The following FAM120B variants were observed in gnomAD, a reference collection of about 807,000 sequenced individuals.
FAM120B encodes the protein family with sequence similarity 120 member B, also known as constitutive coactivator of peroxisome proliferator-activated receptor gamma.
FAM120B carries 83 observed loss-of-function variants against 96.3 expected under a neutral mutation model. The ratio of observed to expected loss-of-function variants is 0.86; its 90% CI spans 0.72 to 1.03. The LOEUF is 1.03. FAM120B is among the 50% of genes least tolerant of loss of function. The probability of loss-of-function intolerance (pLI) is 0.00; values close to 1 mark genes in which losing one functional copy is unlikely to be tolerated. For missense variants in FAM120B, 1,027 were observed against 1,121.2 expected (o/e 0.92, Z 1.20); for synonymous variants, 407 against 402.7 (o/e 1.01, Z -0.13).
In FAM120B at chr6:170,295,969, C is replaced by A. The variant is rs1228201655; in HGVS notation, c.48+516C>A. 6.6e-6 allele frequency among the ~76,000 whole-genome samples: 1 copy of A among 151,940 alleles called. No homozygotes were observed. The highest frequency in any genetic ancestry group is 2.4e-5 in the African/African-American group (1 of 41,394). On this transcript the variant is annotated intron_variant, in intron 1 of 10. Coordinates refer to the FAM120B transcript ENST00000537664. This position sits in a 1 kb window ranked among gnomAD's most constrained non-coding sequence, Gnocchi z 7.8. Reference sequence around the variant, plus strand: ...CCCGGCGCAGATGACGGCTCGGCAGCGGGCCCCCGCCCCCTCCTCTGCGCC... The same window carrying A: ...CCCGGCGCAGATGACGGCTCGGCAGAGGGCCCCCGCCCCCTCCTCTGCGCC...
intron 4 of FAM120B, among the ~76,000 whole-genome samples, chr6:170,343,872 C>T (rs1431899225): frequency 2.0e-5 from 3 of 152,170 alleles, no homozygotes; most frequent in East Asian, 3.8e-4. Flanking sequence ...TAGTATGTCA[C>T]TTACGTGTCA....
intron 6 of FAM120B, among the ~76,000 whole-genome samples, chr6:170,372,915 T>C (rs1789284946): frequency 1.3e-5 from 2 of 152,326 alleles, no homozygotes; most frequent in African/African-American, 4.8e-5. Context: ...TAAATAACAA[T>C]GTATTCATAA....
At chr6:170,388,576 T>G in intron 7 of FAM120B, 83 bp downstream of exon 7, 1 of 1,174,070 alleles carries the variant, frequency 8.5e-7, no homozygotes. Flanking sequence ...GGCTGTTGCA[T>G]TTTTCAAATT....
At chr6:170,338,844 C>CTTTTTTTT (rs61188907) in intron 4 of FAM120B, among the ~76,000 whole-genome samples, 8 of 85,424 alleles carry the variant, frequency 9.4e-5, no homozygotes, top group East Asian at 4.4e-4. Flanking sequence ...TTGCAACCTG[C>CTTTTTTTT]TTTTTTTTTT....
chr6:170,349,642 A>G (rs1787444625), intron 5 of FAM120B, among the ~76,000 whole-genome samples: 1 of 152,240 alleles, frequency 6.6e-6, no homozygotes, highest in Non-Finnish European at 1.5e-5. Context: ...TATTTGCTCA[A>G]GACGTAGCAG....
chr6:170,329,544 GC>G (rs1785858655), intron 3 of FAM120B, among the ~76,000 whole-genome samples: 1 of 151,816 alleles, frequency 6.6e-6, no homozygotes, highest in Non-Finnish European at 1.5e-5. Context: ...TGCTGATAAT[GC>G]CAGCTGCAAA....
At chr6:170,392,649 A>T (rs1406873978) in intron 8 of FAM120B, among the ~76,000 whole-genome samples, 1 of 152,184 alleles carries the variant, frequency 6.6e-6, no homozygotes, top group Non-Finnish European at 1.5e-5. Flanking sequence ...GAATAGGAGA[A>T]CTCAGCCCAG....
chr6:170,325,394 A>G (rs1265562244), intron 3 of FAM120B, among the ~76,000 whole-genome samples: 1 of 152,132 alleles, frequency 6.6e-6, no homozygotes, highest in Non-Finnish European at 1.5e-5. Flanking sequence ...AACTCTTGGC[A>G]TAATTAGGGC....
intron 6 of FAM120B, among the ~76,000 whole-genome samples, chr6:170,361,222 A>ATACG (rs1554286438): frequency 2.9e-5 from 3 of 101,988 alleles, no homozygotes; most frequent in South Asian, 3.6e-4. Flanking sequence ...ATATATATAT[A>ATACG]TATATATATA....
At chr6:170,345,501 C>T (rs533591381) in intron 4 of FAM120B, among the ~76,000 whole-genome samples, 10 of 152,370 alleles carry the variant, frequency 6.6e-5, no homozygotes, top group Admixed American at 6.5e-5. Context: ...GCACAGCCTT[C>T]TCCTGCAAGC....
chr6:170,356,195 AC>A (rs1291341207), intron 5 of FAM120B, among the ~76,000 whole-genome samples: 1 of 152,140 alleles, frequency 6.6e-6, no homozygotes. Flanking sequence ...TTTCCACTTT[AC>A]CTTTTTTCTA....
intron 6 of FAM120B, among the ~76,000 whole-genome samples, chr6:170,373,254 C>T (rs1789302657): frequency 6.6e-6 from 1 of 152,178 alleles, no homozygotes; most frequent in Non-Finnish European, 1.5e-5. Context: ...ACCTTAAACC[C>T]TATTTCCAAA....
At chr6:170,292,663 C>T (rs1203633883), upstream of FAM120B, among the ~76,000 whole-genome samples, 2 of 152,228 alleles carry the variant, frequency 1.3e-5, no homozygotes, top group African/African-American at 4.8e-5. This position sits in a 1 kb window ranked among gnomAD's most constrained non-coding sequence, Gnocchi z 6.6. Flanking sequence ...ACCACTGCAG[C>T]CAGAAATCTG....
chr6:170,320,899 C>G (rs1785243566), intron 2 of FAM120B, among the ~76,000 whole-genome samples: 1 of 152,212 alleles, frequency 6.6e-6, no homozygotes, highest in Admixed American at 6.5e-5. Flanking sequence ...AGGAGTATCA[C>G]ATGCTACAGA....
At chr6:170,391,436 G>A (rs1001294535) in intron 8 of FAM120B, among the ~76,000 whole-genome samples, 1 of 152,128 alleles carries the variant, frequency 6.6e-6, no homozygotes, top group South Asian at 2.1e-4. Context: ...TTGGGAGGCT[G>A]AGGAAGGAGG....
At position 170,388,479 on chromosome 6, in the gene FAM120B, CT is replaced by C; in HGVS notation, c.2480del (p.Leu827Ter). 1 of 1,614,102 alleles carries C rather than the reference CT, an allele frequency of 6.2e-7. No individual in the cohort carries two copies. Reference protein sequence around the residue: ...QSEKGYAVEVLLEQNRSRLTK... With the variant: ...QSEKGYAVEVXLEQNRSRLTK... The stretch of plus-strand genomic sequence containing the variant: ...TGAAAAGGGTTATGCTGTGGAGGTT[CT>C]TTTAGAACAAAATGTGAGTTCACAG... On this transcript the variant is annotated frameshift_variant, in exon 7 of 11. Coordinates refer to ENST00000476287, the MANE Select transcript of FAM120B (RefSeq NM_032448.3). LOFTEE classifies it high-confidence loss of function.
intron 6 of FAM120B, among the ~76,000 whole-genome samples, chr6:170,361,226 A>ATT (rs1562567083): frequency 3.1e-5 from 4 of 127,148 alleles, no homozygotes; most frequent in African/African-American, 1.1e-4. Flanking sequence ...ATATATATAT[A>ATT]TATATATATA....
At chr6:170,393,851 T>C (rs1790594708) in intron 8 of FAM120B, among the ~76,000 whole-genome samples, 1 of 152,162 alleles carries the variant, frequency 6.6e-6, no homozygotes, top group Non-Finnish European at 1.5e-5. Flanking sequence ...GGTAGGGCCC[T>C]GCAGTCCTGA....
At chr6:170,376,669 TG>T (rs1262785877) in intron 6 of FAM120B, among the ~76,000 whole-genome samples, 1 of 152,020 alleles carries the variant, frequency 6.6e-6, no homozygotes, top group Non-Finnish European at 1.5e-5. Flanking sequence ...GGAGGCTGAT[TG>T]GAGTGGTTTG....
Sources: gnomAD v4.1 joint callset for allele counts (sites outside exome capture counted in the v4.1 genomes callset) on GRCh38, gnomAD v4.1.1 for gene constraint, Gnocchi (gnomAD v3.1) non-coding constraint, MANE v1.5 for transcripts, NCBI Gene and HGNC (gene_info 2026-07-23, HGNC 2026-07-21) for gene names.